INPP4B: variants seen among roughly 807,000 people sequenced by gnomAD.
INPP4B encodes the protein inositol polyphosphate-4-phosphatase type II B.
INPP4B carries 55 observed loss-of-function variants against 122.5 expected under a neutral mutation model. The ratio of observed to expected loss-of-function variants is 0.45; its 90% CI spans 0.36 to 0.56. INPP4B has a LOEUF of 0.56. Ranked by LOEUF, INPP4B falls within the 20% of genes least tolerant of loss-of-function variation. The probability of loss-of-function intolerance (pLI) is 0.00; values close to 1 mark genes in which losing one functional copy is unlikely to be tolerated. For missense variants in INPP4B, 1,000 were observed against 1,097.7 expected (o/e 0.91, Z 1.26); for synonymous variants, 403 against 388.7 (o/e 1.04, Z -0.43).
rs1163261968 is a variant in INPP4B at position 142,030,275 on chromosome 4, T to G, written c.2643-1361A>C. The G allele has an allele frequency of 6.5e-6, 10 of 1,535,416 alleles. No homozygotes were observed. In the East Asian group the frequency reaches 1.5e-4, roughly 23 times the overall value. Reference sequence around the variant, plus strand: ...GACAGCCTGTTTCAGGATCATCGGATTCATTCAGTGCTCCCTGGGTTTGTC... The same window carrying G: ...GACAGCCTGTTTCAGGATCATCGGAGTCATTCAGTGCTCCCTGGGTTTGTC... On this transcript the variant is annotated intron_variant, in intron 25 of 25. Transcript: ENST00000262992.
At chr4:142,710,201 T>C (rs1420382674) in intron 2 of INPP4B, among the ~76,000 whole-genome samples, 1 of 152,212 alleles carries the variant, frequency 6.6e-6, no homozygotes, top group East Asian at 1.9e-4. Context: ...GATAAATTTA[T>C]GAGCACAGCC....
At chr4:142,610,105 T>C (rs1742156387) in intron 2 of INPP4B, among the ~76,000 whole-genome samples, 1 of 152,146 alleles carries the variant, frequency 6.6e-6, no homozygotes, top group Non-Finnish European at 1.5e-5. Context: ...TCCCCATGTG[T>C]CAAGGGTGGG....
chr4:142,634,470 A>ATATAAT (rs1224886265), intron 2 of INPP4B, among the ~76,000 whole-genome samples: 1 of 152,196 alleles, frequency 6.6e-6, no homozygotes, highest in Admixed American at 6.5e-5. Flanking sequence ...GTCCAACAAC[A>ATATAAT]TATAGAAATT....
At chr4:142,182,796 C>T (rs972537298) in intron 15 of INPP4B, among the ~76,000 whole-genome samples, 10 of 152,072 alleles carry the variant, frequency 6.6e-5, no homozygotes, top group Non-Finnish European at 1.5e-4. Flanking sequence ...AAGCCCTCAG[C>T]CAACTGGATG....
At chr4:142,830,567 T>C (rs995785181) in intron 1 of INPP4B, among the ~76,000 whole-genome samples, 3 of 151,968 alleles carry the variant, frequency 2.0e-5, no homozygotes, top group African/African-American at 7.3e-5. Flanking sequence ...TGTTCCCTGC[T>C]GGAAGAAAAG....
chr4:142,268,329 A>T (rs1743941629), intron 10 of INPP4B, among the ~76,000 whole-genome samples: 1 of 136,906 alleles, frequency 7.3e-6, no homozygotes, highest in Admixed American at 7.7e-5. Context: ...TCTCAAAAAA[A>T]AAAAAAAAAA....
chr4:142,648,389 G>C lies in INPP4B; in HGVS notation c.-191+77450C>G, dbSNP rs1026669192. On this transcript the variant is annotated intron_variant, in intron 2 of 25. Coordinates refer to ENST00000262992, the MANE Select transcript of INPP4B (RefSeq NM_001101669.3). Reference sequence around the variant, plus strand: ...GTATTGCCTCACCCAGGAAGCACAAGGGGTTGGGGTATTTCCCTTTCCTAC... The same window carrying C: ...GTATTGCCTCACCCAGGAAGCACAACGGGTTGGGGTATTTCCCTTTCCTAC... Among the ~76,000 whole-genome samples, 21 of 152,198 alleles carry C rather than the reference G, an allele frequency of 1.4e-4. 1 individual carries two copies. The highest frequency in any genetic ancestry group is 4.6e-4 in the African/African-American group (19 of 41,460).
intron 2 of INPP4B, among the ~76,000 whole-genome samples, chr4:142,629,290 A>C (rs550775922): frequency 2.6e-5 from 4 of 152,216 alleles, no homozygotes; most frequent in African/African-American, 9.6e-5. Context: ...TATTCAACAA[A>C]TGATTATGGA....
chr4:142,658,501 G>A (rs1754564312), intron 2 of INPP4B, among the ~76,000 whole-genome samples: 1 of 152,202 alleles, frequency 6.6e-6, no homozygotes, highest in Non-Finnish European at 1.5e-5. Context: ...TAAGAATTAA[G>A]CAAGGTATAA....
chr4:142,685,824 A>G (rs1056974084), intron 2 of INPP4B, among the ~76,000 whole-genome samples: 1 of 152,148 alleles, frequency 6.6e-6, no homozygotes, highest in African/African-American at 2.4e-5. Flanking sequence ...TTTTTAAAAT[A>G]TGTGTCAAGA....
intron 2 of INPP4B, among the ~76,000 whole-genome samples, chr4:142,518,419 A>C (rs1212796777): frequency 6.6e-6 from 1 of 152,164 alleles, no homozygotes; most frequent in East Asian, 1.9e-4. Context: ...TTAGTGATTG[A>C]TATTTTCATT....
intron 7 of INPP4B, among the ~76,000 whole-genome samples, chr4:142,316,234 C>G (rs189706936): frequency 1.3e-5 from 2 of 152,268 alleles, no homozygotes; most frequent in East Asian, 1.9e-4. Context: ...GTAGAACACA[C>G]TCAACTCTTC....
chr4:142,173,581 G>A (rs761526428), intron 16 of INPP4B, 51 bp downstream of exon 16: 1 of 1,502,110 alleles, frequency 6.7e-7, no homozygotes, highest in Non-Finnish European at 9.2e-7. Flanking sequence ...CCAGACCAAT[G>A]GGAATTTGAG....
intron 2 of INPP4B, among the ~76,000 whole-genome samples, chr4:142,653,785 G>C (rs1753537911): frequency 1.3e-5 from 2 of 152,154 alleles, no homozygotes; most frequent in Non-Finnish European, 2.9e-5. Flanking sequence ...GTGTAAATTA[G>C]TTCAACCATT....
chr4:142,498,198 T>C (rs920913017), intron 2 of INPP4B, among the ~76,000 whole-genome samples: 5 of 151,222 alleles, frequency 3.3e-5, no homozygotes, highest in Non-Finnish European at 7.4e-5. Context: ...TGTGTGTGCG[T>C]GTGTGTATAT....
chr4:142,554,320 C>T (rs60951295), intron 2 of INPP4B, among the ~76,000 whole-genome samples: 36,758 of 148,788 alleles, frequency 0.25, 5,703 homozygotes, highest in East Asian at 0.77. Context: ...CCATCTCCTC[C>T]ACCAACTCCA....
chr4:142,503,973 CAAAACA>C (rs141162117), intron 2 of INPP4B, among the ~76,000 whole-genome samples: 1,746 of 151,848 alleles, frequency 0.011, 32 homozygotes, highest in African/African-American at 0.04. Flanking sequence ...TAATTATAAA[CAAAACA>C]AAAACATTAG....
chr4:142,211,322 A>G (rs1174840072), intron 12 of INPP4B, among the ~76,000 whole-genome samples: 3 of 152,184 alleles, frequency 2.0e-5, no homozygotes, highest in Admixed American at 1.3e-4. Context: ...ATAGATGAGG[A>G]TAGAAGATAA....
intron 18 of INPP4B, among the ~76,000 whole-genome samples, chr4:142,132,178 T>C (rs1024958102): frequency 6.6e-6 from 1 of 152,172 alleles, no homozygotes; most frequent in Non-Finnish European, 1.5e-5. Context: ...GAAGTTATCA[T>C]ATAGCATCAC....
Sources: gnomAD v4.1 joint callset for allele counts (sites outside exome capture counted in the v4.1 genomes callset) on GRCh38, gnomAD v4.1.1 for gene constraint, MANE v1.5 for transcripts, NCBI Gene and HGNC (gene_info 2026-07-23, HGNC 2026-07-21) for gene names.